Variants in LHFPL2 observed in about 807,000 individuals in gnomAD.
LHFPL2 encodes the protein LHFPL tetraspan subfamily member 2, also known as LHFPL tetraspan subfamily member 2 protein.
LHFPL2 carries 7 observed loss-of-function variants against 17.5 expected under a neutral mutation model. The observed-to-expected ratio is 0.40, with a 90% confidence interval of 0.23 to 0.75. The LOEUF (loss-of-function observed/expected upper bound fraction) is 0.75. Ranked by LOEUF, LHFPL2 falls within the 30% of genes least tolerant of loss-of-function variation. The pLI, the probability that LHFPL2 is intolerant of heterozygous loss-of-function variation, is 0.37. For synonymous variants in LHFPL2, 134 were observed against 116.2 expected, an observed-to-expected ratio of 1.15 and a Z score of -0.99; for missense variants, 241 against 294.8, an observed-to-expected ratio of 0.82 and a Z score of 1.34.
intron 2 of LHFPL2, among the ~76,000 whole-genome samples, chr5:78,622,541 CT>C (rs1744892256): frequency 6.6e-6 from 1 of 152,168 alleles, no homozygotes; most frequent in East Asian, 1.9e-4. Context: ...CTGCCTGACT[CT>C]TAAGGCTGGG....
chr5:78,491,388 G>A (rs893546564), intron 4 of LHFPL2: 2 of 152,706 alleles, frequency 1.3e-5, no homozygotes, highest in Non-Finnish European at 2.9e-5. Context: ...AGTGAAGCTG[G>A]AGAGAGGCTG....
chr5:78,551,688 G>A (rs192258586), intron 3 of LHFPL2, among the ~76,000 whole-genome samples: 6 of 152,300 alleles, frequency 3.9e-5, no homozygotes, highest in Admixed American at 1.3e-4. Context: ...CCTGAGGCAG[G>A]CCACAAAAAC....
Position 78,604,736 on chromosome 5 carries a change from G to A in LHFPL2, c.-245+27528C>T, listed in dbSNP as rs117942785. Among the ~76,000 whole-genome samples, 6 of 152,212 alleles carry A rather than the reference G, an allele frequency of 3.9e-5. No homozygotes were observed. The East Asian group carries it at 9.6e-4, about 24-fold the overall frequency. On this transcript the variant is annotated intron_variant, in intron 2 of 4. Transcript: ENST00000380345. ...GTACCTGTCTGCACTGTAGCTTCTTGACGGCTGGCTTTAAAATAAAGTTGA... is the reference window on the plus strand; with the variant it reads ...GTACCTGTCTGCACTGTAGCTTCTTAACGGCTGGCTTTAAAATAAAGTTGA...
chr5:78,579,771 C>A (rs973707613), intron 2 of LHFPL2, among the ~76,000 whole-genome samples: 8 of 152,130 alleles, frequency 5.3e-5, no homozygotes, highest in African/African-American at 1.9e-4. Context: ...GGTTCCAAGT[C>A]TTTGCTATTG....
intron 1 of LHFPL2, among the ~76,000 whole-genome samples, chr5:78,647,374 G>A (rs1360922398): frequency 2.6e-5 from 4 of 152,172 alleles, no homozygotes; most frequent in Admixed American, 2.0e-4. Context: ...CTCTGGCCAA[G>A]GGGTAAGGCA....
At position 78,488,533 on chromosome 5, in the gene LHFPL2, A is replaced by C. The variant is rs1432564277; in HGVS notation, c.*364T>G. 1 of 268,472 alleles carries C rather than the reference A, an allele frequency of 3.7e-6. No individual in the cohort carries two copies. The highest frequency in any genetic ancestry group is 7.3e-6 in the Non-Finnish European group (1 of 137,076). The allele number at this position is 268,472 out of a possible 1,614,324, so 16.6% of individuals were successfully genotyped here. ...GATGCTCACAAGCAAGCAGTGTTGGAGCAGAAACAGCCTGCAGATCTGGCG... is the reference window on the plus strand; with the variant it reads ...GATGCTCACAAGCAAGCAGTGTTGGCGCAGAAACAGCCTGCAGATCTGGCG... On this transcript the variant is annotated 3_prime_UTR_variant, in exon 5 of 5. Transcript: ENST00000380345.
chr5:78,552,036 CTG>C (rs1464322810), intron 3 of LHFPL2, among the ~76,000 whole-genome samples: 1 of 152,196 alleles, frequency 6.6e-6, no homozygotes, highest in Non-Finnish European at 1.5e-5. Context: ...GCAATTTCCC[CTG>C]TATCTTTGGG....
At chr5:78,561,466 C>A (rs1002849228) in intron 3 of LHFPL2, among the ~76,000 whole-genome samples, 1 of 152,156 alleles carries the variant, frequency 6.6e-6, no homozygotes, top group Non-Finnish European at 1.5e-5. Flanking sequence ...GTGAAGAGAA[C>A]CCAGGAAGAC....
chr5:78,596,703 C>T (rs1743836725), intron 2 of LHFPL2, among the ~76,000 whole-genome samples: 1 of 152,196 alleles, frequency 6.6e-6, no homozygotes, highest in Non-Finnish European at 1.5e-5. Flanking sequence ...GGTCCCAGAA[C>T]CCAGCTAGGA....
At chr5:78,575,417 C>A (rs534047571) in intron 2 of LHFPL2, among the ~76,000 whole-genome samples, 1 of 151,970 alleles carries the variant, frequency 6.6e-6, no homozygotes. Context: ...GGCGTGGTGG[C>A]ACGCACCTGT....
chr5:78,598,016 G>A lies in LHFPL2; in HGVS notation c.-244-33145C>T, dbSNP rs150572189. Among the ~76,000 whole-genome samples, 378 of 152,224 alleles carry A rather than the reference G, an allele frequency of 2.5e-3. 3 individuals are homozygous for A. Among genetic ancestry groups the A allele is most frequent in the African/African-American group, 8.8e-3 (367 of 41,534 alleles). Reference sequence around the variant, plus strand: ...TAAATAACAATGGAATCCAACTTTTGAATAATGCAGTTAATACAAAGACCC... The same window carrying A: ...TAAATAACAATGGAATCCAACTTTTAAATAATGCAGTTAATACAAAGACCC... On this transcript the variant is annotated intron_variant, in intron 2 of 4. Transcript: ENST00000380345.
At chr5:78,568,422 A>G (rs953397659) in intron 2 of LHFPL2, among the ~76,000 whole-genome samples, 1 of 152,224 alleles carries the variant, frequency 6.6e-6, no homozygotes, top group African/African-American at 2.4e-5. Context: ...AGTGCCACAC[A>G]GAGAACACGG....
At chr5:78,584,994 T>TTTTTTAA (rs1561352328) in intron 2 of LHFPL2, among the ~76,000 whole-genome samples, 1 of 89,168 alleles carries the variant, frequency 1.1e-5, no homozygotes, top group African/African-American at 4.6e-5. Flanking sequence ...TGGTGCGCTG[T>TTTTTTAA]GTTTTTTTTT....
At chr5:78,533,494 A>C (rs531040902) in intron 3 of LHFPL2, among the ~76,000 whole-genome samples, 1 of 152,184 alleles carries the variant, frequency 6.6e-6, no homozygotes, top group Non-Finnish European at 1.5e-5. Context: ...GTAGGATGCT[A>C]TGGAAAAGGT....
rs140374899 is a variant in LHFPL2 at position 78,554,603 on chromosome 5, C to G, written c.-186+10210G>C. The stretch of plus-strand genomic sequence containing the variant: ...ACCTAAGAAAAGTACCAGACTAAAG[C>G]CACTTGATACAGATAAGGGAAGGCA... On this transcript the variant is annotated intron_variant, in intron 3 of 4. Coordinates refer to ENST00000380345, the MANE Select transcript of LHFPL2 (RefSeq NM_005779.3). Among the ~76,000 whole-genome samples, 1,202 of 152,342 alleles carry G rather than the reference C, an allele frequency of 7.9e-3. 13 individuals carry two copies. Among genetic ancestry groups the G allele is most frequent in the African/African-American group, 0.026 (1,068 of 41,574 alleles).
intron 1 of LHFPL2, chr5:78,644,286 T>C: frequency 1.1e-6 from 1 of 943,150 alleles, no homozygotes; most frequent in Non-Finnish European, 1.7e-6. Flanking sequence ...ATCATCTTCA[T>C]CTTCCTCCTC....
chr5:78,557,176 G>A (rs890902370), intron 3 of LHFPL2, among the ~76,000 whole-genome samples: 3 of 152,182 alleles, frequency 2.0e-5, no homozygotes, highest in African/African-American at 7.2e-5. Context: ...GCTTTAAGAT[G>A]TGCAGATGAT....
At chr5:78,497,543 G>C (rs1754645656) in intron 4 of LHFPL2, among the ~76,000 whole-genome samples, 1 of 152,186 alleles carries the variant, frequency 6.6e-6, no homozygotes, top group South Asian at 2.1e-4. Flanking sequence ...CAACTGCCTA[G>C]AACAAGGTCT....
intron 3 of LHFPL2, among the ~76,000 whole-genome samples, chr5:78,527,612 G>C (rs1755659208): frequency 6.6e-6 from 1 of 151,906 alleles, no homozygotes; most frequent in Non-Finnish European, 1.5e-5. Flanking sequence ...ACTGGAAACA[G>C]ATCTAGAAGG....
Sources: gnomAD v4.1 joint callset for allele counts (sites outside exome capture counted in the v4.1 genomes callset) on GRCh38, gnomAD v4.1.1 for gene constraint, MANE v1.5 for transcripts, NCBI Gene and HGNC (gene_info 2026-07-23, HGNC 2026-07-21) for gene names.